Variants in NDUFS4 observed in about 807,000 individuals in gnomAD.
NDUFS4 encodes NADH:ubiquinone oxidoreductase subunit S4, also known as NADH dehydrogenase [ubiquinone] iron-sulfur protein 4, mitochondrial.
NDUFS4 carries 28 observed loss-of-function variants against 24.3 expected under a neutral mutation model. That is an observed-to-expected ratio of 1.15 (90% CI 0.85 to 1.58). NDUFS4 has a LOEUF of 1.58. NDUFS4 is among the 40% of genes most tolerant of loss of function. The pLI, the probability that NDUFS4 is intolerant of heterozygous loss-of-function variation, is 0.00. For synonymous variants in NDUFS4, 93 were observed against 69.7 expected, an observed-to-expected ratio of 1.34 and a Z score of -1.67; for missense variants, 223 against 207.9, an observed-to-expected ratio of 1.07 and a Z score of -0.45.
chr5:53,665,912 G>A (rs758484948), intron 4 of NDUFS4, among the ~76,000 whole-genome samples: 16 of 152,176 alleles, frequency 1.1e-4, no homozygotes, highest in African/African-American at 2.4e-4. Context: ...CGTCTTCTGC[G>A]TCGCTTACGC....
intron 2 of NDUFS4, among the ~76,000 whole-genome samples, chr5:53,637,922 C>CTT (rs1751604819): frequency 6.6e-6 from 1 of 152,208 alleles, no homozygotes; most frequent in East Asian, 1.9e-4. Flanking sequence ...ACTGCAAACA[C>CTT]TTTGAGAGAA....
intron 1 of NDUFS4, among the ~76,000 whole-genome samples, chr5:53,581,792 T>C (rs1288337392): frequency 6.6e-6 from 1 of 152,176 alleles, no homozygotes; most frequent in East Asian, 1.9e-4. Flanking sequence ...ACTGCTACTT[T>C]AAGGGAAACA....
chr5:53,565,751 T>C (rs1181877260), intron 1 of NDUFS4, among the ~76,000 whole-genome samples: 10 of 152,260 alleles, frequency 6.6e-5, no homozygotes, highest in Non-Finnish European at 1.5e-4. Context: ...TCATACACTT[T>C]GACAAGTGTT....
intron 2 of NDUFS4, among the ~76,000 whole-genome samples, chr5:53,628,560 T>C (rs1261219825): frequency 1.3e-5 from 2 of 152,106 alleles, no homozygotes; most frequent in Non-Finnish European, 2.9e-5. Flanking sequence ...TTAGAATCCG[T>C]TATTGGTCTA....
chr5:53,657,409 T>C (rs1461578082), intron 3 of NDUFS4, among the ~76,000 whole-genome samples: 4 of 152,100 alleles, frequency 2.6e-5, no homozygotes, highest in Non-Finnish European at 5.9e-5. Flanking sequence ...GACCAGAACA[T>C]TGGCAGCAGT....
intron 4 of NDUFS4, among the ~76,000 whole-genome samples, chr5:53,673,237 T>C (rs1740340125): frequency 6.6e-6 from 1 of 152,164 alleles, no homozygotes; most frequent in South Asian, 2.1e-4. Context: ...TTGACAACTG[T>C]TCTCAAGTAG....
chr5:53,680,905 C>A (rs1452127239), intron 4 of NDUFS4, among the ~76,000 whole-genome samples: 1 of 151,990 alleles, frequency 6.6e-6, no homozygotes, highest in Non-Finnish European at 1.5e-5. Flanking sequence ...ACCTAGTACA[C>A]CAGGAATGCT....
At chr5:53,668,382 C>T (rs1431855387) in intron 4 of NDUFS4, among the ~76,000 whole-genome samples, 1 of 152,064 alleles carries the variant, frequency 6.6e-6, no homozygotes, top group East Asian at 1.9e-4. Context: ...TCCCTTGACA[C>T]TAAAGATTGT....
chr5:53,589,087 A>G (rs1480670662), intron 1 of NDUFS4, among the ~76,000 whole-genome samples: 1 of 152,192 alleles, frequency 6.6e-6, no homozygotes, highest in African/African-American at 2.4e-5. Context: ...CTGACCTTCA[A>G]AAGCGTAAGA....
intron 2 of NDUFS4, among the ~76,000 whole-genome samples, chr5:53,630,951 G>A (rs902684502): frequency 1.3e-5 from 2 of 152,148 alleles, no homozygotes; most frequent in Admixed American, 6.5e-5. Flanking sequence ...TCCTTTGGAG[G>A]AGAAGAGGCA....
intron 1 of NDUFS4, among the ~76,000 whole-genome samples, chr5:53,567,793 A>G (rs1749083869): frequency 6.6e-6 from 1 of 152,188 alleles, no homozygotes; most frequent in Non-Finnish European, 1.5e-5. Flanking sequence ...AATTTTGTAT[A>G]AAACAAAGTA....
intron 1 of NDUFS4, among the ~76,000 whole-genome samples, chr5:53,580,711 TC>T (rs1749535077): frequency 1.4e-5 from 1 of 72,732 alleles, no homozygotes; most frequent in Non-Finnish European, 2.8e-5. Context: ...TCCTTTCCTT[TC>T]CTTTTCCTTT....
intron 4 of NDUFS4, among the ~76,000 whole-genome samples, chr5:53,659,125 G>C (rs1752249179): frequency 6.6e-6 from 1 of 152,026 alleles, no homozygotes; most frequent in Admixed American, 6.6e-5. Context: ...TACTTTTCTA[G>C]ATATAGTGGG....
At chr5:53,611,043 A>T (rs1250269605) in intron 2 of NDUFS4, among the ~76,000 whole-genome samples, 1 of 152,036 alleles carries the variant, frequency 6.6e-6, no homozygotes, top group African/African-American at 2.4e-5. Context: ...TATTTTTAAC[A>T]TATTCACAGA....
intron 2 of NDUFS4, among the ~76,000 whole-genome samples, chr5:53,641,610 A>T (rs1289070038): frequency 6.6e-6 from 1 of 152,144 alleles, no homozygotes; most frequent in South Asian, 2.1e-4. Context: ...TTTTTATTGT[A>T]TCTGAATCTA....
intron 1 of NDUFS4, among the ~76,000 whole-genome samples, chr5:53,583,183 A>AT (rs1223416623): frequency 1.1e-4 from 17 of 151,998 alleles, no homozygotes; most frequent in Non-Finnish European, 1.9e-4. Context: ...GGCCTTATAT[A>AT]TTTTTTTCTT....
chr5:53,583,818 T>G (rs559303705), intron 1 of NDUFS4, among the ~76,000 whole-genome samples: 11 of 152,344 alleles, frequency 7.2e-5, no homozygotes, highest in Admixed American at 6.5e-4. Context: ...CAACCATAAT[T>G]TAAGCTACTG....
Position 53,660,296 on chromosome 5 carries a change from A to G in NDUFS4, c.424+1672A>G, listed in dbSNP as rs535374915. ...TAGTTTGCTGAGAATGATGGTTTCC[A>G]GCTTCATCCATGTCCCTACAAAGGA... On this transcript the variant is annotated intron_variant, in intron 4 of 4. Coordinates refer to ENST00000296684, the MANE Select transcript of NDUFS4 (RefSeq NM_002495.4). 2.0e-4 allele frequency among the ~76,000 whole-genome samples: 30 copies of G among 152,134 alleles called. 1 individual carries two copies. The highest frequency in any genetic ancestry group is 3.4e-3 in the Middle Eastern group (1 of 294).
chr5:53,681,683 G>T (rs1740670752), intron 4 of NDUFS4, among the ~76,000 whole-genome samples: 1 of 152,082 alleles, frequency 6.6e-6, no homozygotes, highest in Non-Finnish European at 1.5e-5. Context: ...CCTGGATTCT[G>T]ATGTTTCATT....
Sources: gnomAD v4.1 joint callset for allele counts (sites outside exome capture counted in the v4.1 genomes callset) on GRCh38, gnomAD v4.1.1 for gene constraint, MANE v1.5 for transcripts, NCBI Gene and HGNC (gene_info 2026-07-23, HGNC 2026-07-21) for gene names.